The following CACNG2 variants were observed in gnomAD, a reference collection of about 807,000 sequenced individuals.
CACNG2 encodes calcium voltage-gated channel auxiliary subunit gamma 2.
A neutral mutation model predicts 25.9 loss-of-function variants in CACNG2; 3 were observed. The observed-to-expected ratio is 0.12, with a 90% CI of 0.05 to 0.30. The LOEUF is 0.30. CACNG2 is among the 10% of genes least tolerant of loss of function. The pLI is 1.00. For missense variants in CACNG2, 341 were observed against 432.5 expected (o/e 0.79, Z 1.88); for synonymous variants, 167 against 173.3 (o/e 0.96, Z 0.29).
chr22:36,618,127 G>T lies in CACNG2; in HGVS notation c.212-30579C>A, dbSNP rs181118204. On this transcript the variant is annotated intron_variant, in intron 1 of 3. Transcript: ENST00000300105. Reference sequence around the variant, plus strand: ...CTTCTGGATGGCTTCCAGGACTCTGGGTCCAGGACACTGCCAGCCTCTTCT... The same window carrying T: ...CTTCTGGATGGCTTCCAGGACTCTGTGTCCAGGACACTGCCAGCCTCTTCT... Among the ~76,000 whole-genome samples the T allele has an allele frequency of 3.3e-4, 50 of 152,272 alleles. 1 individual carries two copies. The East Asian group carries it at 8.9e-3, about 27-fold the overall frequency.
intron 1 of CACNG2, among the ~76,000 whole-genome samples, chr22:36,672,951 C>T (rs1936972777): frequency 6.6e-6 from 1 of 152,210 alleles, no homozygotes; most frequent in South Asian, 2.1e-4. Flanking sequence ...GGAGGCTGGG[C>T]ACAGTGGCTC....
intron 1 of CACNG2, among the ~76,000 whole-genome samples, chr22:36,638,153 G>A (rs528820414): frequency 1.2e-4 from 19 of 152,168 alleles, no homozygotes; most frequent in Non-Finnish European, 2.1e-4. Context: ...AAGGGATCTC[G>A]CACCCACCCA....
chr22:36,637,385 G>A (rs1299602703), intron 1 of CACNG2, among the ~76,000 whole-genome samples: 2 of 152,182 alleles, frequency 1.3e-5, no homozygotes, highest in Admixed American at 6.5e-5. Context: ...TTGGCAGGCT[G>A]TTGCAAGCCT....
chr22:36,638,495 G>C (rs1275672469), intron 1 of CACNG2, among the ~76,000 whole-genome samples: 1 of 152,088 alleles, frequency 6.6e-6, no homozygotes, highest in South Asian at 2.1e-4. Context: ...TCTTGCACTG[G>C]TGCCTTTGCA....
chr22:36,577,594 G>A (rs555878734), intron 2 of CACNG2, among the ~76,000 whole-genome samples: 1 of 150,654 alleles, frequency 6.6e-6, no homozygotes, highest in East Asian at 2.0e-4. Context: ...AGGTTGCAGT[G>A]AGCCGAGATC....
chr22:36,627,640 T>A (rs1272369309), intron 1 of CACNG2, among the ~76,000 whole-genome samples: 1 of 118,348 alleles, frequency 8.4e-6, no homozygotes, highest in Admixed American at 1.1e-4. Context: ...TGAATGACTT[T>A]GATTTTTTTT....
Position 36,564,131 on chromosome 22 carries a change from T to C in CACNG2, c.*220A>G, listed in dbSNP as rs1266070122. On this transcript the variant is annotated 3_prime_UTR_variant, in exon 4 of 4. Coordinates refer to ENST00000300105, the MANE Select transcript of CACNG2 (RefSeq NM_006078.5). This position sits in a 1 kb window ranked among gnomAD's most constrained non-coding sequence, Gnocchi z 6.7. ...CACATTTCCTGTTGTTTTGCTTCTT[T>C]GTTCCTCTTATATTTTGTTCTTTTT... is the stretch of plus-strand genomic sequence containing the variant. The C allele has an allele frequency of 6.8e-6, 3 of 442,022 alleles. No individual in the cohort carries two copies. The highest frequency in any genetic ancestry group is 3.5e-5 in the East Asian group (1 of 28,800). 27.4% of individuals were successfully genotyped at this position (442,022 alleles called of 1,614,324 possible).
rs2145915907 is a variant in CACNG2, at chr22:36,579,038, C to G, written c.295+8427G>C. 1.3e-5 allele frequency among the ~76,000 whole-genome samples: 2 copies of G among 152,266 alleles called. 1 individual carries two copies. Among genetic ancestry groups the G allele is most frequent in the South Asian group, 4.2e-4 (2 of 4,818 alleles). On this transcript the variant is annotated intron_variant, in intron 2 of 3. Transcript: ENST00000300105. ...TCAGAGAAGGGCAGTAATGTTTGCC[C>G]CATCTGCCAGCCAGAACTCCTCGCC...
chr22:36,605,598 C>T (rs769753868), intron 1 of CACNG2, among the ~76,000 whole-genome samples: 5 of 152,186 alleles, frequency 3.3e-5, no homozygotes, highest in Admixed American at 6.5e-5. Flanking sequence ...GTTGGCTCCT[C>T]CACTGTAAAA....
chr22:36,693,832 C>T (rs1937297209), intron 1 of CACNG2, among the ~76,000 whole-genome samples: 1 of 152,240 alleles, frequency 6.6e-6, no homozygotes, highest in South Asian at 2.1e-4. Flanking sequence ...CCTTCCTCCC[C>T]AATCCCTGTG....
At chr22:36,597,991 T>C (rs893781628) in intron 1 of CACNG2, among the ~76,000 whole-genome samples, 1 of 152,248 alleles carries the variant, frequency 6.6e-6, no homozygotes, top group African/African-American at 2.4e-5. Flanking sequence ...TCCCTGAATA[T>C]ACCATATTTT....
At chr22:36,695,159 T>A (rs1055407350) in intron 1 of CACNG2, among the ~76,000 whole-genome samples, 1 of 151,892 alleles carries the variant, frequency 6.6e-6, no homozygotes, top group Non-Finnish European at 1.5e-5. Context: ...AAGGCTGCAG[T>A]GAGCTATGAT....
intron 1 of CACNG2, among the ~76,000 whole-genome samples, chr22:36,631,825 C>T (rs987227853): frequency 4.0e-5 from 6 of 151,068 alleles, no homozygotes; most frequent in Non-Finnish European, 7.4e-5. Context: ...TGAGGGCCAG[C>T]GGGACAACCA....
At chr22:36,649,793 G>A (rs986707950) in intron 1 of CACNG2, among the ~76,000 whole-genome samples, 2 of 152,166 alleles carry the variant, frequency 1.3e-5, no homozygotes. Context: ...GAGTTCCCCT[G>A]CACACGCTGT....
intron 1 of CACNG2, among the ~76,000 whole-genome samples, chr22:36,630,497 T>C (rs1936251412): frequency 6.6e-6 from 1 of 152,016 alleles, no homozygotes; most frequent in Non-Finnish European, 1.5e-5. Context: ...CATTTGGGAA[T>C]CTAATATACC....
At chr22:36,679,181 C>CTTTCTTTCTTT (rs1569049785) in intron 1 of CACNG2, among the ~76,000 whole-genome samples, 2 of 127,128 alleles carry the variant, frequency 1.6e-5, no homozygotes, top group African/African-American at 7.2e-5. Flanking sequence ...TTCCTTCCTT[C>CTTTCTTTCTTT]CTTCCTTCCT....
At chr22:36,601,139 C>A (rs1202782627) in intron 1 of CACNG2, among the ~76,000 whole-genome samples, 1 of 152,184 alleles carries the variant, frequency 6.6e-6, no homozygotes, top group Non-Finnish European at 1.5e-5. Flanking sequence ...TATATCTCTC[C>A]ATTTCTTCCC....
Position 36,702,503 on chromosome 22 carries a change from G to A in CACNG2, c.74C>T (p.Thr25Ile), listed in dbSNP as rs753360030. Residue 25 changes from threonine to isoleucine, a missense_variant, in exon 1 of 4, where the codon ACC (threonine) becomes ATC (isoleucine). By Grantham distance (89) the Thr-to-Ile change is moderately conservative. Around this residue, in one of 2 missense-constraint regions of CACNG2, gnomAD observed 169 missense variants for 254.4 expected, o/e 0.66. Transcript: ENST00000300105. ...VGAFAAFSLM[T>I]IAVGTDYWLY... ...CCAATAGTCGGTTCCCACAGCTATG[G>A]TCATCAGGCTGAAGGCAGCGAAAGC... The A allele has an allele frequency of 6.2e-7, 1 of 1,614,082 alleles. No homozygotes were observed.
At chr22:36,588,232 G>T (rs939499259) in intron 1 of CACNG2, among the ~76,000 whole-genome samples, 1 of 152,280 alleles carries the variant, frequency 6.6e-6, no homozygotes, top group Non-Finnish European at 1.5e-5. Flanking sequence ...GCTCAGAAAG[G>T]CTGAACTATC....
Sources: gnomAD v4.1 joint callset for allele counts (sites outside exome capture counted in the v4.1 genomes callset) on GRCh38, gnomAD v4.1.1 for gene constraint, gnomAD v4.1.1 regional missense constraint, Gnocchi (gnomAD v3.1) non-coding constraint, MANE v1.5 for transcripts, NCBI Gene and HGNC (gene_info 2026-07-23, HGNC 2026-07-21) for gene names.